Variants in SLC6A6 observed in about 807,000 individuals in gnomAD.
SLC6A6 encodes the protein solute carrier family 6 member 6.
Under a neutral mutation model 68.8 loss-of-function variants are expected in SLC6A6, and 16 were observed. That is an observed-to-expected ratio of 0.23 (90% CI 0.16 to 0.35). The LOEUF (loss-of-function observed/expected upper bound fraction) is 0.35, where lower values mean the gene tolerates loss of function less well. Among genes scored for constraint, SLC6A6 ranks in the 10% least tolerant of loss-of-function variants. The probability of loss-of-function intolerance (pLI) is 1.00; values close to 1 mark genes in which losing one functional copy is unlikely to be tolerated. For missense variants in SLC6A6, 474 were observed against 802.8 expected (o/e 0.59, Z 4.95); for synonymous variants, 312 against 315.4 (o/e 0.99, Z 0.12).
At chr3:14,449,796 G>T (rs4685163) in intron 5 of SLC6A6, among the ~76,000 whole-genome samples, 6,034 of 152,154 alleles carry the variant, frequency 0.04, 139 homozygotes, top group South Asian at 0.1. Flanking sequence ...TCTGTTGCCA[G>T]GCTGGAGTGC....
At position 14,485,799 on chromosome 3, in the gene SLC6A6, C is replaced by G. The variant is rs1176880506; in HGVS notation, c.*792C>G. 3.3e-5 allele frequency: 5 copies of G among 152,304 alleles called. No individual in the cohort carries two copies. Among genetic ancestry groups the G allele is most frequent in the Non-Finnish European group, 7.3e-5 (5 of 68,036 alleles). 9.4% of individuals were successfully genotyped at this position (152,304 alleles called of 1,614,324 possible). A position where few individuals can be genotyped will look rare whatever the true frequency, so the allele number is the denominator to read the frequency against. On this transcript the variant is annotated 3_prime_UTR_variant, in exon 15 of 15. Coordinates refer to ENST00000622186, the MANE Select transcript of SLC6A6 (RefSeq NM_003043.6). ...GATGGTGAGTGGATAGTCAGTAGAC[C>G]GTCAGAACCACTGGCCAGAGAGGGA...
At chr3:14,457,816 A>G in intron 5 of SLC6A6, 134 bp from the exon 6 acceptor site, 1 of 746,338 alleles carries the variant, frequency 1.3e-6, no homozygotes, top group Non-Finnish European at 2.2e-6. Flanking sequence ...CTGGGTTTGG[A>G]AAGGTGAGGT....
At chr3:14,405,941 G>A (rs767124313) in intron 1 of SLC6A6, among the ~76,000 whole-genome samples, 3 of 152,122 alleles carry the variant, frequency 2.0e-5, no homozygotes, top group Non-Finnish European at 4.4e-5. Flanking sequence ...GCAGCTGAGT[G>A]TGCAGTGAGG....
At chr3:14,463,240 C>T (rs1700535779) in intron 6 of SLC6A6, among the ~76,000 whole-genome samples, 1 of 152,200 alleles carries the variant, frequency 6.6e-6, no homozygotes, top group East Asian at 1.9e-4. Flanking sequence ...CAGGTGCCCC[C>T]ACCTCTCTGG....
At chr3:14,449,963 G>A (rs1216693294) in intron 5 of SLC6A6, among the ~76,000 whole-genome samples, 1 of 152,046 alleles carries the variant, frequency 6.6e-6, no homozygotes, top group Non-Finnish European at 1.5e-5. Flanking sequence ...TGTTGGCCAG[G>A]ATGGTCTCAA....
chr3:14,463,940 G>T (rs1345392547), intron 6 of SLC6A6, among the ~76,000 whole-genome samples: 1 of 152,210 alleles, frequency 6.6e-6, no homozygotes, highest in Non-Finnish European at 1.5e-5. Flanking sequence ...CAAGGTCAGC[G>T]TTCCCTTATC....
chr3:14,414,985 T>C (rs1163900793), intron 1 of SLC6A6, among the ~76,000 whole-genome samples: 2 of 152,234 alleles, frequency 1.3e-5, no homozygotes, highest in Admixed American at 1.3e-4. Flanking sequence ...TCCCTGTGTA[T>C]GGTCTAGGAT....
chr3:14,471,948 C>T (rs55853390), intron 9 of SLC6A6, among the ~76,000 whole-genome samples: 19,447 of 152,152 alleles, frequency 0.13, 1,628 homozygotes, highest in Non-Finnish European at 0.18. Flanking sequence ...CAAATAACCA[C>T]GCCCCGATGG....
chr3:14,453,946 G>A (rs925608219), intron 5 of SLC6A6, among the ~76,000 whole-genome samples: 1 of 152,206 alleles, frequency 6.6e-6, no homozygotes, highest in African/African-American at 2.4e-5. Context: ...TGAAGGAGGA[G>A]GAAGTGATGC....
At chr3:14,456,919 C>T (rs1700381234) in intron 5 of SLC6A6, among the ~76,000 whole-genome samples, 1 of 152,220 alleles carries the variant, frequency 6.6e-6, no homozygotes. Flanking sequence ...CTGGGAGGCC[C>T]AGTGGGCAGG....
In SLC6A6 at chr3:14,481,495, T is replaced by C. The variant is rs1290390730; in HGVS notation, c.1552-176T>C. ...TTTTGAGCAGGGAAACGACTTACTG[T>C]GTTTTTACCGGGGCGGGGGGGATCC... On this transcript the variant is annotated intron_variant, in intron 13 of 14. Transcript: ENST00000622186. The surrounding 1 kb of genome is among the most constrained non-coding windows in gnomAD (Gnocchi z 4.7). Among the ~76,000 whole-genome samples the C allele has an allele frequency of 1.3e-5, 2 of 151,710 alleles. No individual in the cohort carries two copies. Among genetic ancestry groups the C allele is most frequent in the East Asian group, 1.9e-4 (1 of 5,152 alleles).
intron 6 of SLC6A6, among the ~76,000 whole-genome samples, chr3:14,461,791 G>A (rs1700501976): frequency 6.6e-6 from 1 of 152,188 alleles, no homozygotes; most frequent in South Asian, 2.1e-4. Context: ...CCAGGGCGCT[G>A]AGGATCCTTA....
intron 10 of SLC6A6, among the ~76,000 whole-genome samples, chr3:14,476,963 G>A (rs532291917): frequency 1.3e-5 from 2 of 152,256 alleles, no homozygotes; most frequent in Admixed American, 6.5e-5. Flanking sequence ...TATTTGGCCA[G>A]CTCGGTGTGG....
At chr3:14,419,534 C>T (rs1699441026) in intron 2 of SLC6A6, among the ~76,000 whole-genome samples, 1 of 152,180 alleles carries the variant, frequency 6.6e-6, no homozygotes, top group African/African-American at 2.4e-5. Flanking sequence ...CAGGCAGTCC[C>T]TAGTTCAAAT....
intron 10 of SLC6A6, among the ~76,000 whole-genome samples, chr3:14,474,330 T>A (rs1700823098): frequency 6.6e-6 from 1 of 152,170 alleles, no homozygotes; most frequent in African/African-American, 2.4e-5. Context: ...GTTCCCTGGG[T>A]GCCGGTCCTC....
At position 14,433,536 on chromosome 3, in the gene SLC6A6, T is replaced by G. The variant is rs549371776; in HGVS notation, c.-11-10088T>G. ...GAAAGTGTTAGCTGAGCACGGTAGC[T>G]CCCATCTATAATCTCAGCACTTTGG... is the stretch of plus-strand genomic sequence containing the variant. On this transcript the variant is annotated intron_variant, in intron 2 of 14. Transcript: ENST00000622186. Among the ~76,000 whole-genome samples, 57 of 152,130 alleles carry G rather than the reference T, an allele frequency of 3.7e-4. 3 individuals are homozygous for G. In the South Asian group the frequency reaches 0.011, roughly 28 times the overall value.
chr3:14,464,491 C>T (rs1409242711), intron 6 of SLC6A6, among the ~76,000 whole-genome samples: 1 of 152,204 alleles, frequency 6.6e-6, no homozygotes, highest in African/African-American at 2.4e-5. Context: ...AGTAAGTGCT[C>T]AATAAACGCT....
Position 14,466,498 on chromosome 3 carries a change from T to C in SLC6A6, c.733-18T>C, listed in dbSNP as rs1159388098. On this transcript the variant is annotated intron_variant, in intron 6 of 14. Transcript: ENST00000622186. ...CAAGTGATGCCCATGGCCTCCTGAA[T>C]CCCTCTCGCCCTTGCAGGTCGTCTA... The C allele has an allele frequency of 6.2e-7, 1 of 1,600,390 alleles. No homozygotes were observed. The highest frequency in any genetic ancestry group is 1.1e-5 in the South Asian group (1 of 90,314).
Position 14,481,656 on chromosome 3 carries a change from C to T in SLC6A6, c.1552-15C>T, listed in dbSNP as rs1451603680. 2 of 1,597,232 alleles carry T rather than the reference C, an allele frequency of 1.3e-6. No individual in the cohort carries two copies. The highest frequency in any genetic ancestry group is 8.6e-7 in the Non-Finnish European group (1 of 1,169,060). On this transcript the variant is annotated splice_polypyrimidine_tract_variant and intron_variant, in intron 13 of 14. Coordinates refer to ENST00000622186, the MANE Select transcript of SLC6A6 (RefSeq NM_003043.6). This position sits in a 1 kb window ranked among gnomAD's most constrained non-coding sequence, Gnocchi z 4.7. ...GCCCAGGACCCCTCTCCTGACTGCC[C>T]CCATCTCTCCGCAGGGATGTTTCAT...
Sources: allele counts gnomAD v4.1 joint callset (sites outside exome capture counted in the v4.1 genomes callset), GRCh38; gene constraint gnomAD v4.1.1; non-coding constraint Gnocchi (gnomAD v3.1); transcripts MANE v1.5; gene names NCBI Gene and HGNC (gene_info 2026-07-23, HGNC 2026-07-21).